Variants in RORA observed in about 807,000 individuals in gnomAD.
RORA encodes nuclear receptor ROR-alpha.
A neutral mutation model predicts 69.5 loss-of-function variants in RORA; 7 were observed. The ratio of observed to expected loss-of-function variants is 0.10; its 90% CI spans 0.06 to 0.19. RORA has a LOEUF of 0.19. Ranked by LOEUF, RORA falls within the 10% of genes least tolerant of loss-of-function variation. RORA has a pLI of 1.00. For missense variants in RORA, 457 were observed against 663.0 expected, an observed-to-expected ratio of 0.69 and a Z score of 3.41; for synonymous variants, 261 against 240.8, an observed-to-expected ratio of 1.08 and a Z score of -0.78.
intron 1 of RORA, among the ~76,000 whole-genome samples, chr15:61,198,151 A>G (rs989817216): frequency 1.3e-5 from 2 of 152,222 alleles, no homozygotes; most frequent in Non-Finnish European, 2.9e-5. Flanking sequence ...ATAACATTTT[A>G]GTGCAAATTT....
intron 1 of RORA, among the ~76,000 whole-genome samples, chr15:61,168,460 T>C (rs1266514829): frequency 6.6e-6 from 1 of 152,146 alleles, no homozygotes; most frequent in African/African-American, 2.4e-5. Context: ...GGTTTCGCCA[T>C]GTTAGCCAGG....
chr15:60,705,241 C>T (rs2071045034), intron 1 of RORA, among the ~76,000 whole-genome samples: 1 of 152,096 alleles, frequency 6.6e-6, no homozygotes, highest in Admixed American at 6.5e-5. Context: ...CATTTGAAGG[C>T]AGGGCTTGTA....
intron 2 of RORA, among the ~76,000 whole-genome samples, chr15:60,569,137 C>T (rs1010364159): frequency 4.0e-5 from 6 of 151,724 alleles, no homozygotes; most frequent in African/African-American, 7.3e-5. Flanking sequence ...AATTAATCAA[C>T]GAAAGTGCCT....
chr15:60,831,409 A>G (rs150936959), intron 1 of RORA, among the ~76,000 whole-genome samples: 1 of 152,102 alleles, frequency 6.6e-6, no homozygotes, highest in East Asian at 1.9e-4. Flanking sequence ...AGTGGATACT[A>G]CCTCCTAATA....
chr15:60,560,096 A>G (rs2067486634), intron 2 of RORA, among the ~76,000 whole-genome samples: 1 of 152,110 alleles, frequency 6.6e-6, no homozygotes, highest in South Asian at 2.1e-4. Flanking sequence ...AAAGTTTATC[A>G]CAGCAACTCC....
At chr15:60,695,078 G>A (rs2070882875) in intron 1 of RORA, among the ~76,000 whole-genome samples, 1 of 152,124 alleles carries the variant, frequency 6.6e-6, no homozygotes, top group African/African-American at 2.4e-5. Context: ...CGGCAGACAA[G>A]ATAGTAATGA....
chr15:61,086,530 C>A (rs1203801470), intron 1 of RORA, among the ~76,000 whole-genome samples: 2 of 152,020 alleles, frequency 1.3e-5, no homozygotes, highest in Non-Finnish European at 2.9e-5. Flanking sequence ...ATCAGAGGAA[C>A]TAAAATCAAA....
At position 60,774,411 on chromosome 15, in the gene RORA, C is replaced by T. The variant is rs151042421; in HGVS notation, c.167-95725G>A. On this transcript the variant is annotated intron_variant, in intron 1 of 10. Transcript: ENST00000335670. ...CCTGAGAGGCCATCAACAGAGACTT[C>T]AGAAGGATCACAGAGGCCCAATCTC... 2.9e-3 allele frequency among the ~76,000 whole-genome samples: 437 copies of T among 152,344 alleles called. 3 individuals are homozygous for T. Among genetic ancestry groups the T allele is most frequent in the African/African-American group, 0.01 (423 of 41,580 alleles).
intron 1 of RORA, among the ~76,000 whole-genome samples, chr15:61,217,827 A>G (rs2080054383): frequency 6.6e-6 from 1 of 152,228 alleles, no homozygotes; most frequent in African/African-American, 2.4e-5. Context: ...ATGTACTAGC[A>G]TATTAATGAG....
intron 1 of RORA, among the ~76,000 whole-genome samples, chr15:60,884,236 G>A (rs2073726344): frequency 6.6e-6 from 1 of 151,960 alleles, no homozygotes; most frequent in African/African-American, 2.4e-5. Flanking sequence ...AGAAGAAGAA[G>A]AAAATGGCAC....
intron 1 of RORA, among the ~76,000 whole-genome samples, chr15:61,130,564 T>C (rs887744068): frequency 2.6e-5 from 4 of 152,214 alleles, no homozygotes; most frequent in Admixed American, 2.6e-4. Context: ...TTTCGCCATT[T>C]GATAGCTAAA....
chr15:61,020,504 C>A (rs149516556), intron 1 of RORA, among the ~76,000 whole-genome samples: 14 of 152,324 alleles, frequency 9.2e-5, no homozygotes, highest in Non-Finnish European at 1.5e-4. Context: ...GTGAATGAGG[C>A]TCTTTTCTTA....
intron 1 of RORA, among the ~76,000 whole-genome samples, chr15:60,836,823 T>C (rs1595754873): frequency 6.6e-6 from 1 of 151,946 alleles, no homozygotes; most frequent in African/African-American, 2.4e-5. Flanking sequence ...TATCCTCCAA[T>C]CAGCTCCCCC....
chr15:60,677,089 A>G (rs2070565166), intron 2 of RORA: 1 of 443,362 alleles, frequency 2.3e-6, no homozygotes, highest in South Asian at 1.6e-5. Context: ...AGTAGGCACA[A>G]TCATCAGCCC....
At chr15:60,762,736 C>G (rs2071913725) in intron 1 of RORA, among the ~76,000 whole-genome samples, 1 of 152,206 alleles carries the variant, frequency 6.6e-6, no homozygotes, top group African/African-American at 2.4e-5. Context: ...CATCTAACCG[C>G]TACCCTAAAA....
chr15:60,713,778 C>A (rs912002368), intron 1 of RORA, among the ~76,000 whole-genome samples: 2 of 152,272 alleles, frequency 1.3e-5, no homozygotes, highest in Middle Eastern at 3.4e-3. Flanking sequence ...GTTCTGGAAC[C>A]TGTCATCTAT....
intron 1 of RORA, among the ~76,000 whole-genome samples, chr15:61,002,135 A>G (rs1029452816): frequency 2.0e-5 from 3 of 152,224 alleles, no homozygotes; most frequent in Non-Finnish European, 4.4e-5. Context: ...CCATGTCCAC[A>G]TGACATTAGT....
At chr15:61,119,040 C>T (rs994867469) in intron 1 of RORA, among the ~76,000 whole-genome samples, 2 of 142,488 alleles carry the variant, frequency 1.4e-5, no homozygotes, top group East Asian at 4.2e-4. Context: ...GAGATGACAG[C>T]ATGAGCTGGG....
At chr15:61,106,880 T>A (rs1357842136) in intron 1 of RORA, among the ~76,000 whole-genome samples, 1 of 152,226 alleles carries the variant, frequency 6.6e-6, no homozygotes, top group Non-Finnish European at 1.5e-5. Flanking sequence ...AAAGAGGGGA[T>A]AAGGATGGAA....
Sources: allele counts gnomAD v4.1 joint callset (sites outside exome capture counted in the v4.1 genomes callset), GRCh38; gene constraint gnomAD v4.1.1; transcripts MANE v1.5; gene names NCBI Gene and HGNC (gene_info 2026-07-23, HGNC 2026-07-21).